Variants in SMARCAD1 observed in about 807,000 individuals in gnomAD.
The protein encoded by SMARCAD1 is SNF2 related chromatin remodeling ATPase with DExD box 1.
In SMARCAD1, 25 loss-of-function variants were observed where a neutral mutation model predicts 127.1. The observed-to-expected ratio is 0.20, with a 90% CI of 0.14 to 0.27. The LOEUF (loss-of-function observed/expected upper bound fraction) is 0.27. SMARCAD1 is among the 10% of genes least tolerant of loss of function. SMARCAD1 has a pLI of 1.00. For synonymous variants in SMARCAD1, 400 were observed against 396.9 expected, an observed-to-expected ratio of 1.01 and a Z score of -0.09; for missense variants, 807 against 1,206.0, an observed-to-expected ratio of 0.67 and a Z score of 4.90.
chr4:94,268,504 T>C (rs1383539648), intron 10 of SMARCAD1, among the ~76,000 whole-genome samples: 15 of 152,186 alleles, frequency 9.9e-5, no homozygotes, highest in Admixed American at 7.9e-4. Flanking sequence ...CTTATGTGAA[T>C]AGGATGACTA....
At chr4:94,214,219 G>A (rs1324179327) in intron 2 of SMARCAD1, among the ~76,000 whole-genome samples, 1 of 151,104 alleles carries the variant, frequency 6.6e-6, no homozygotes, top group African/African-American at 2.4e-5. Context: ...GGGAAGTAAT[G>A]TCAAGAAAAT....
At chr4:94,230,696 C>T (rs1406233824) in intron 3 of SMARCAD1, among the ~76,000 whole-genome samples, 1 of 152,134 alleles carries the variant, frequency 6.6e-6, no homozygotes, top group Non-Finnish European at 1.5e-5. Flanking sequence ...CTACCCCCTA[C>T]CCCAACTTTG....
chr4:94,208,776 CTCACTTTTATATG>C (rs1237101221), intron 2 of SMARCAD1, among the ~76,000 whole-genome samples, 192 bp downstream of exon 2: 4 of 152,120 alleles, frequency 2.6e-5, no homozygotes, highest in African/African-American at 9.7e-5. Context: ...CCATTGTCGC[CTCACTTTTATATG>C]AGTTCTTCGA....
chr4:94,275,796 C>CTTTTTTTTTATTTTATTTT (rs1753182936), intron 14 of SMARCAD1, among the ~76,000 whole-genome samples: 1 of 85,412 alleles, frequency 1.2e-5, no homozygotes, highest in East Asian at 4.1e-4. Context: ...TTAACATTTT[C>CTTTTTTTTTATTTTATTTT]TTTTTTTTTT....
chr4:94,279,540 C>A lies in SMARCAD1; in HGVS notation c.2418+490C>A, dbSNP rs529927288. Among the ~76,000 whole-genome samples the A allele has an allele frequency of 6.6e-5, 10 of 152,300 alleles. No individual in the cohort carries two copies. In the South Asian group the frequency reaches 1.9e-3, roughly 28 times the overall value. On this transcript the variant is annotated intron_variant, in intron 19 of 23. Transcript: ENST00000354268. ...TATAAGTCAGCAAACTATGGCCTTACGGCAGTGACTATTTTTATAAATAAG... is the reference window on the plus strand; with the variant it reads ...TATAAGTCAGCAAACTATGGCCTTAAGGCAGTGACTATTTTTATAAATAAG...
In SMARCAD1 at chr4:94,276,591, T is replaced by G. The variant is rs540047232; in HGVS notation, c.1944+117T>G. 2.3e-6 allele frequency: 3 copies of G among 1,318,938 alleles called. No homozygotes were observed. In the African/African-American group the frequency reaches 4.4e-5, roughly 20 times the overall value. 81.7% of individuals were successfully genotyped at this position (1,318,938 alleles called of 1,614,324 possible). ...ATGTAGTTTAATATATGTAGTATTC[T>G]GTGTTAGCAAGTTTTTTCTGTAAAA... On this transcript the variant is annotated intron_variant, in intron 15 of 23. Coordinates refer to ENST00000354268, the MANE Select transcript of SMARCAD1 (RefSeq NM_020159.5).
At chr4:94,207,723 A>C (rs943687268), upstream of SMARCAD1, 2 of 178,788 alleles carry the variant, frequency 1.1e-5, no homozygotes, top group African/African-American at 4.8e-5. Context: ...CATAGCACTG[A>C]GGCTACAAGA....
In SMARCAD1 at chr4:94,246,374, C is replaced by T. The variant is rs142151909; in HGVS notation, c.706-3280C>T. On this transcript the variant is annotated intron_variant, in intron 6 of 23. Coordinates refer to ENST00000354268, the MANE Select transcript of SMARCAD1 (RefSeq NM_020159.5). ...GACCTCGTGATCCACCCGCCTCAGC[C>T]TCCCAGAGTGCTGGGATTACAAGCG... is the stretch of plus-strand genomic sequence containing the variant. Among the ~76,000 whole-genome samples, 819 of 152,258 alleles carry T rather than the reference C, an allele frequency of 5.4e-3. 5 individuals carry two copies. The Middle Eastern group carries it at 0.054, about 10-fold the overall frequency.
intron 2 of SMARCAD1, among the ~76,000 whole-genome samples, chr4:94,213,992 T>C (rs1320906471): frequency 6.6e-6 from 1 of 152,128 alleles, no homozygotes; most frequent in East Asian, 1.9e-4. Flanking sequence ...AGAATAGTCA[T>C]AGAAAATGAT....
Position 94,226,197 on chromosome 4 carries a change from A to G in SMARCAD1, c.269A>G (p.Gln90Arg). The G allele has an allele frequency of 3.7e-6, 6 of 1,611,662 alleles. No individual in the cohort carries two copies. Among genetic ancestry groups the G allele is most frequent in the Non-Finnish European group, 5.1e-6 (6 of 1,177,910 alleles). ...TATTTCAAAAATCAAAGAGGAATAC[A>G]GTATATTGATTTGTCTTCTGATAGT... ...ISYFKNQRGIQYIDLSSDSED... is the reference protein window; with the variant it reads ...ISYFKNQRGIRYIDLSSDSED... The change falls in exon 3 of 24, where the codon CAG becomes CGG. Residue 90 changes from glutamine to arginine, a missense_variant. Physicochemically the swap from Gln to Arg is conservative, Grantham distance 43 (BLOSUM62 1). This residue lies in a region of SMARCAD1 where 175 missense variants were observed against 169.5 expected (regional missense o/e 1.03). Coordinates refer to ENST00000354268, the MANE Select transcript of SMARCAD1 (RefSeq NM_020159.5).
chr4:94,280,903 T>C, intron 20 of SMARCAD1, 123 bp downstream of exon 20: 2 of 919,172 alleles, frequency 2.2e-6, no homozygotes, highest in Non-Finnish European at 3.4e-6. Flanking sequence ...CAGAACTTAG[T>C]GTTTTGAACA....
In SMARCAD1 at chr4:94,276,431, A is replaced by G. The variant is rs1753314949; in HGVS notation, c.1901A>G (p.Lys634Arg). ...ATTTTTGATGAGGGCCATATGCTGA[A>G]GAATATGGGCTCCATTCGCTACCAG... The part of the protein sequence containing the change: ...YAIFDEGHML[K>R]NMGSIRYQHL... Residue 634 changes from lysine to arginine, a missense_variant, in exon 15 of 24, where the codon AAG (lysine) becomes AGG (arginine). Around this residue, in one of 8 missense-constraint regions of SMARCAD1, gnomAD observed 148 missense variants for 313.2 expected, o/e 0.47. Transcript: ENST00000354268. The G allele has an allele frequency of 6.2e-7, 1 of 1,614,048 alleles. No homozygotes were observed. The highest frequency in any genetic ancestry group is 1.7e-5 in the Admixed American group (1 of 60,002).
At chr4:94,216,634 C>A (rs1743246304) in intron 2 of SMARCAD1, among the ~76,000 whole-genome samples, 1 of 152,150 alleles carries the variant, frequency 6.6e-6, no homozygotes, top group African/African-American at 2.4e-5. Flanking sequence ...ATTCCCCCAG[C>A]CCCCGGCAAC....
intron 19 of SMARCAD1, 74 bp from the exon 20 acceptor site, chr4:94,280,517 GT>G: frequency 2.3e-6 from 3 of 1,315,420 alleles, no homozygotes; most frequent in Non-Finnish European, 3.2e-6. Context: ...GGTATAAACA[GT>G]TTTATTAAAC....
In SMARCAD1 at chr4:94,280,794, A is replaced by G. The variant is rs1753900475; in HGVS notation, c.2607+14A>G. 4 of 1,612,268 alleles carry G rather than the reference A, an allele frequency of 2.5e-6. No individual in the cohort carries two copies. Among genetic ancestry groups the G allele is most frequent in the Non-Finnish European group, 3.4e-6 (4 of 1,179,096 alleles). On this transcript the variant is annotated intron_variant, in intron 20 of 23. Coordinates refer to ENST00000354268, the MANE Select transcript of SMARCAD1 (RefSeq NM_020159.5). ...TTGAAACAGAAGGTATTAAAAAAGAATGGCGTTTCTTTTGTATTTTCTCAA... is the reference window on the plus strand; with the variant it reads ...TTGAAACAGAAGGTATTAAAAAAGAGTGGCGTTTCTTTTGTATTTTCTCAA...
chr4:94,255,227 T>C (rs1416102695), intron 9 of SMARCAD1, among the ~76,000 whole-genome samples: 8 of 152,116 alleles, frequency 5.3e-5, no homozygotes, highest in Non-Finnish European at 1.0e-4. Context: ...GTCTGCTCTT[T>C]CTTGAAATCA....
Position 94,278,455 on chromosome 4 carries a change from G to C in SMARCAD1, c.2116G>C (p.Glu706Gln), listed in dbSNP as rs1407056951. The C allele has an allele frequency of 3.7e-6, 6 of 1,613,818 alleles. No individual in the cohort carries two copies. The change falls in exon 17 of 24, where the codon GAG becomes CAG. Residue 706 changes from glutamate to glutamine, a missense_variant. Glu to Gln is a conservative substitution (Grantham distance 29). Coordinates refer to ENST00000354268, the MANE Select transcript of SMARCAD1 (RefSeq NM_020159.5). ...SADEQSIYEKERIAHAKQIIK... is the reference protein window; with the variant it reads ...SADEQSIYEKQRIAHAKQIIK... ...AGATGAGCAAAGCATATATGAAAAG[G>C]AGAGAATAGCACATGCAAAACAAAT...
intron 19 of SMARCAD1, among the ~76,000 whole-genome samples, chr4:94,280,329 T>G (rs1410362857): frequency 6.6e-6 from 1 of 152,152 alleles, no homozygotes; most frequent in Non-Finnish European, 1.5e-5. Context: ...TACCCCAGAC[T>G]TCTCCCCAGG....
chr4:94,282,092 G>GTTTTTTTTTTTTTTTTTTTTTTTTTTTT (rs144409121), intron 21 of SMARCAD1, among the ~76,000 whole-genome samples: 1 of 110,984 alleles, frequency 9.0e-6, no homozygotes, highest in Non-Finnish European at 1.7e-5. Context: ...ATGCAAATAC[G>GTTTTTTTTTTTTTTTTTTTTTTTTTTTT]TTTTTTTGTT....
Sources: allele counts gnomAD v4.1 joint callset (sites outside exome capture counted in the v4.1 genomes callset), GRCh38; gene constraint gnomAD v4.1.1; regional missense constraint gnomAD v4.1.1; transcripts MANE v1.5; gene names NCBI Gene and HGNC (gene_info 2026-07-23, HGNC 2026-07-21).